The following CPA6 variants were observed in gnomAD, a reference collection of about 807,000 sequenced individuals.
CPA6 encodes the protein carboxypeptidase B.
CPA6 carries 58 observed loss-of-function variants against 63.3 expected under a neutral mutation model. That is an observed-to-expected ratio of 0.92 (90% CI 0.74 to 1.14). The LOEUF (loss-of-function observed/expected upper bound fraction) is 1.14. Ranked by LOEUF, CPA6 falls within the 50% of genes most tolerant of loss-of-function variation. CPA6 has a pLI of 0.00. For synonymous variants in CPA6, 185 were observed against 179.0 expected (o/e 1.03, Z -0.27); for missense variants, 565 against 526.6 (o/e 1.07, Z -0.71).
intron 10 of CPA6, among the ~76,000 whole-genome samples, chr8:67,426,296 T>A (rs943834751): frequency 1.3e-5 from 2 of 152,242 alleles, no homozygotes; most frequent in African/African-American, 4.8e-5. Context: ...GGTAATAGAC[T>A]GTTCTCAGTA....
chr8:67,624,210 G>A lies in CPA6; in HGVS notation c.158C>T (p.Ala53Val). The change falls in exon 2 of 11, where the codon GCA (alanine) becomes GTA (valine). Residue 53 changes from alanine to valine, a missense_variant. By Grantham distance (64) the Ala-to-Val change is moderately conservative. Coordinates refer to ENST00000297770, the MANE Select transcript of CPA6 (RefSeq NM_020361.5). Reference sequence around the variant, plus strand: ...ATAGGATATTTTCTTCAGTGCATATGCTTCCTCTTCTGTTTTGGGAATAAA... The same window carrying A: ...ATAGGATATTTTCTTCAGTGCATATACTTCCTCTTCTGTTTTGGGAATAAA... The part of the protein sequence containing the change: ...IRFIPKTEEE[A>V]YALKKISYQL... 3 of 1,546,348 alleles carry A rather than the reference G, an allele frequency of 1.9e-6. No individual in the cohort carries two copies. Among genetic ancestry groups the A allele is most frequent in the South Asian group, 2.3e-5 (2 of 88,594 alleles).
At chr8:67,709,784 G>A (rs1817215388) in intron 1 of CPA6, among the ~76,000 whole-genome samples, 1 of 152,186 alleles carries the variant, frequency 6.6e-6, no homozygotes, top group Non-Finnish European at 1.5e-5. Context: ...CTTGAAGTAT[G>A]GGTGGGGAGC....
chr8:67,685,568 G>A (rs1327698177), intron 1 of CPA6, among the ~76,000 whole-genome samples: 1 of 152,166 alleles, frequency 6.6e-6, no homozygotes, highest in Admixed American at 6.5e-5. Flanking sequence ...GCAGTGAGCC[G>A]AGATGGCGCC....
At chr8:67,669,235 G>A (rs943533425) in intron 1 of CPA6, among the ~76,000 whole-genome samples, 2 of 151,860 alleles carry the variant, frequency 1.3e-5, no homozygotes, top group Non-Finnish European at 2.9e-5. Flanking sequence ...ACAGTCTTAA[G>A]TGAGTGCTTT....
chr8:67,675,951 A>G (rs964928689), intron 1 of CPA6, among the ~76,000 whole-genome samples: 2 of 152,222 alleles, frequency 1.3e-5, no homozygotes, highest in African/African-American at 4.8e-5. Context: ...CTTGGACTAA[A>G]GCCATCCTCT....
chr8:67,615,960 C>T lies in CPA6; in HGVS notation c.192+8216G>A, dbSNP rs140730569. Among the ~76,000 whole-genome samples, 63 of 152,242 alleles carry T rather than the reference C, an allele frequency of 4.1e-4. No homozygotes were observed. The East Asian group carries it at 9.9e-3, about 24-fold the overall frequency. On this transcript the variant is annotated intron_variant, in intron 2 of 10. Transcript: ENST00000297770. ...AAATTACAACTGGTTCAGTATGGTT[C>T]GTGTGATGGGCACTAAGCCAAGGAG...
chr8:67,700,073 G>T (rs1458492386), intron 1 of CPA6, among the ~76,000 whole-genome samples: 1 of 152,090 alleles, frequency 6.6e-6, no homozygotes, highest in Non-Finnish European at 1.5e-5. Context: ...TCATATAATC[G>T]TGAGGTTTAT....
At chr8:67,571,274 T>C (rs1213284377) in intron 2 of CPA6, among the ~76,000 whole-genome samples, 1 of 152,182 alleles carries the variant, frequency 6.6e-6, no homozygotes, top group Non-Finnish European at 1.5e-5. Context: ...AATACAGTGC[T>C]TTCAATATAG....
At chr8:67,726,177 C>G (rs544556378) in intron 1 of CPA6, among the ~76,000 whole-genome samples, 6 of 152,210 alleles carry the variant, frequency 3.9e-5, no homozygotes, top group African/African-American at 1.4e-4. Context: ...TTATAGTTTT[C>G]AGGTTGAGGT....
intron 2 of CPA6, among the ~76,000 whole-genome samples, chr8:67,621,909 A>G (rs1815092199): frequency 6.6e-6 from 1 of 152,198 alleles, no homozygotes; most frequent in Non-Finnish European, 1.5e-5. Context: ...ATGCTTACCA[A>G]AAAGGGCCCA....
chr8:67,433,945 A>T lies in CPA6; in HGVS notation c.1041+93T>A. The T allele has an allele frequency of 3.7e-6, 3 of 820,896 alleles. No homozygotes were observed. The East Asian group carries it at 7.4e-5, about 20-fold the overall frequency. 50.9% of individuals were successfully genotyped at this position (820,896 alleles called of 1,614,324 possible). ...AATATTTATTAGGATAAACACAAAC[A>T]TGTGTTTGCCATTATCATTAGTACT... On this transcript the variant is annotated intron_variant, in intron 9 of 10. Coordinates refer to ENST00000297770, the MANE Select transcript of CPA6 (RefSeq NM_020361.5).
intron 6 of CPA6, among the ~76,000 whole-genome samples, chr8:67,500,157 TTGA>T (rs1811802452): frequency 6.6e-6 from 1 of 152,202 alleles, no homozygotes; most frequent in Non-Finnish European, 1.5e-5. Context: ...CTGGCATTTG[TTGA>T]TATTTGTGAT....
chr8:67,653,360 C>T (rs575099428), intron 1 of CPA6, among the ~76,000 whole-genome samples: 171 of 152,194 alleles, frequency 1.1e-3, no homozygotes, highest in Non-Finnish European at 1.3e-3. Context: ...GATATTGATT[C>T]TTCCTACCCA....
rs1211819002 is a variant in CPA6, at chr8:67,607,169, C to CTCTTCTTCTTCTTCTTCTTCT, written c.192+16986_192+17006dup. ...CCCCCCCCTCCTCTTCTTCTTCTTCCTCTTCTTCTTCTTCTTCTTCTTCTT... is the reference window on the plus strand; with the variant it reads ...CCCCCCCCTCCTCTTCTTCTTCTTCCTCTTCTTCTTCTTCTTCTTCTTCTTCTTCTTCTTCTTCTTCTTCTT... On this transcript the variant is annotated intron_variant, in intron 2 of 10. Coordinates refer to ENST00000297770, the MANE Select transcript of CPA6 (RefSeq NM_020361.5). Among the ~76,000 whole-genome samples the CTCTTCTTCTTCTTCTTCTTCT allele has an allele frequency of 1.4e-3, 39 of 28,398 alleles. 2 individuals are homozygous for CTCTTCTTCTTCTTCTTCTTCT. Among genetic ancestry groups the CTCTTCTTCTTCTTCTTCTTCT allele is most frequent in the East Asian group, 4.2e-3 (3 of 710 alleles). The allele number at this position is 28,398 out of a possible 152,430, so 18.6% of individuals were successfully genotyped here. A position where few individuals can be genotyped will look rare whatever the true frequency, so the allele number is the denominator to read the frequency against.
chr8:67,484,605 T>C, intron 7 of CPA6, 74 bp downstream of exon 7: 1 of 765,692 alleles, frequency 1.3e-6, no homozygotes, highest in Non-Finnish European at 2.2e-6. Flanking sequence ...TTCTTTCCTG[T>C]CCTGGAAGTT....
At chr8:67,656,952 G>A (rs988108301) in intron 1 of CPA6, among the ~76,000 whole-genome samples, 3 of 152,144 alleles carry the variant, frequency 2.0e-5, no homozygotes, top group South Asian at 2.1e-4. Context: ...GAGGCAGTAC[G>A]ATGCCATTTT....
intron 1 of CPA6, among the ~76,000 whole-genome samples, chr8:67,742,732 A>G (rs141021923): frequency 6.6e-6 from 1 of 152,322 alleles, no homozygotes; most frequent in Non-Finnish European, 1.5e-5. Flanking sequence ...AAGTTAAATA[A>G]CTTGTCTAAG....
intron 1 of CPA6, among the ~76,000 whole-genome samples, chr8:67,658,023 C>A (rs1426109840): frequency 6.6e-6 from 1 of 152,198 alleles, no homozygotes; most frequent in Non-Finnish European, 1.5e-5. Context: ...GGTTTTTCAG[C>A]CACACTGGCG....
intron 2 of CPA6, among the ~76,000 whole-genome samples, chr8:67,585,865 A>G (rs1005624330): frequency 2.0e-5 from 3 of 152,098 alleles, no homozygotes; most frequent in African/African-American, 7.2e-5. Context: ...GTAGGGGGTA[A>G]GGCAAGGTTA....
Sources: gnomAD v4.1 joint callset for allele counts (sites outside exome capture counted in the v4.1 genomes callset) on GRCh38, gnomAD v4.1.1 for gene constraint, MANE v1.5 for transcripts, NCBI Gene and HGNC (gene_info 2026-07-23, HGNC 2026-07-21) for gene names.